The following SORCS2 variants were observed in gnomAD, a reference collection of about 807,000 sequenced individuals.
SORCS2 encodes the protein sortilin related VPS10 domain containing receptor 2.
In SORCS2, 100 loss-of-function variants were observed where a neutral mutation model predicts 141.6. The ratio of observed to expected loss-of-function variants is 0.71; its 90% CI spans 0.60 to 0.83. SORCS2 has a LOEUF of 0.83. Among genes scored for constraint, SORCS2 ranks in the 40% least tolerant of loss-of-function variants. SORCS2 has a pLI of 0.00. For synonymous variants in SORCS2, 789 were observed against 676.9 expected (o/e 1.17, Z -2.57); for missense variants, 1,646 against 1,560.2 (o/e 1.05, Z -0.93).
intron 1 of SORCS2, among the ~76,000 whole-genome samples, chr4:7,379,215 C>T (rs146302539): frequency 2.5e-4 from 38 of 152,210 alleles, no homozygotes; most frequent in African/African-American, 7.5e-4. Flanking sequence ...TTTCAGAAAT[C>T]GCACCTGTGC....
At chr4:7,250,066 A>G (rs1472774256) in intron 1 of SORCS2, among the ~76,000 whole-genome samples, 1 of 152,076 alleles carries the variant, frequency 6.6e-6, no homozygotes, top group Non-Finnish European at 1.5e-5. Context: ...ACATGGTGAA[A>G]CCCCATCTCT....
intron 1 of SORCS2, among the ~76,000 whole-genome samples, chr4:7,240,170 C>T (rs529569803): frequency 5.5e-4 from 84 of 152,258 alleles, no homozygotes; most frequent in African/African-American, 2.0e-3. Flanking sequence ...CTGTCGTGAT[C>T]CCCGAAGGAG....
chr4:7,202,071 G>T (rs1363032288), intron 1 of SORCS2, among the ~76,000 whole-genome samples: 1 of 150,546 alleles, frequency 6.6e-6, no homozygotes, highest in African/African-American at 2.5e-5. Flanking sequence ...GGTGGTGGGG[G>T]TGGGGAATGC....
chr4:7,239,428 C>T (rs1712532252), intron 1 of SORCS2, among the ~76,000 whole-genome samples: 1 of 152,262 alleles, frequency 6.6e-6, no homozygotes, highest in African/African-American at 2.4e-5. Flanking sequence ...TAACCACGCT[C>T]AGCGGCCCTC....
chr4:7,226,205 A>G (rs984023380), intron 1 of SORCS2, among the ~76,000 whole-genome samples: 1 of 152,092 alleles, frequency 6.6e-6, no homozygotes, highest in Admixed American at 6.5e-5. Flanking sequence ...CCAGGCATGC[A>G]TTACCTTTTC....
At chr4:7,567,932 T>C (rs1715135530) in intron 3 of SORCS2, among the ~76,000 whole-genome samples, 1 of 152,220 alleles carries the variant, frequency 6.6e-6, no homozygotes, top group East Asian at 1.9e-4. Flanking sequence ...TGGGAGCACT[T>C]TCAGTTGGCT....
intron 3 of SORCS2, among the ~76,000 whole-genome samples, chr4:7,539,847 C>A (rs2109578582): frequency 6.7e-6 from 1 of 150,116 alleles, no homozygotes; most frequent in African/African-American, 2.5e-5. Flanking sequence ...GGCTGCTCCG[C>A]CCCATTCCTG....
intron 1 of SORCS2, among the ~76,000 whole-genome samples, chr4:7,357,202 G>A (rs568198850): frequency 2.0e-5 from 3 of 152,284 alleles, no homozygotes; most frequent in East Asian, 1.9e-4. Context: ...TGTCTCTGAT[G>A]CCTGCCCCGG....
chr4:7,515,083 G>A (rs562046522), intron 2 of SORCS2, among the ~76,000 whole-genome samples: 7 of 152,306 alleles, frequency 4.6e-5, no homozygotes, highest in African/African-American at 1.7e-4. Flanking sequence ...GGAGGGATGG[G>A]CAGGAAGGGG....
chr4:7,369,263 A>G (rs2109040015), intron 1 of SORCS2, among the ~76,000 whole-genome samples: 1 of 152,320 alleles, frequency 6.6e-6, no homozygotes, highest in African/African-American at 2.4e-5. Context: ...GTGATCCAAG[A>G]TCACACTGCT....
chr4:7,618,114 G>T (rs113711337), intron 3 of SORCS2, among the ~76,000 whole-genome samples: 15 of 152,148 alleles, frequency 9.9e-5, no homozygotes, highest in African/African-American at 3.6e-4. Flanking sequence ...AGGCATCCCT[G>T]ATTCATCGCG....
In SORCS2 at chr4:7,193,287, C is replaced by T. The variant is rs1297460369; in HGVS notation, c.480+161C>T. On this transcript the variant is annotated intron_variant, in intron 1 of 26. Coordinates refer to ENST00000507866, the MANE Select transcript of SORCS2 (RefSeq NM_020777.3). This position sits in a 1 kb window ranked among gnomAD's most constrained non-coding sequence, Gnocchi z 4.8. ...GTCACCTCGGCCGCGCCCCTACTGG[C>T]CTCTGGTCACTGGTTACTTGGGGAG... is the stretch of plus-strand genomic sequence containing the variant. Among the ~76,000 whole-genome samples, 1 of 152,230 alleles carries T rather than the reference C, an allele frequency of 6.6e-6. No individual in the cohort carries two copies. The highest frequency in any genetic ancestry group is 1.5e-5 in the Non-Finnish European group (1 of 68,040).
At chr4:7,725,350 G>C in intron 20 of SORCS2, 63 bp downstream of exon 20, 2 of 1,557,486 alleles carry the variant, frequency 1.3e-6, no homozygotes, top group South Asian at 2.4e-5. Context: ...CTGCACAGTG[G>C]GGCAGAGCAT....
intron 2 of SORCS2, among the ~76,000 whole-genome samples, chr4:7,473,094 ATTTGTAATG>A (rs1240597195): frequency 1.4e-5 from 2 of 146,236 alleles, no homozygotes; most frequent in Non-Finnish European, 3.0e-5. Flanking sequence ...GATTATTAAT[ATTTGTAATG>A]TTAAAGCATC....
intron 2 of SORCS2, among the ~76,000 whole-genome samples, chr4:7,396,811 C>G (rs1479532003): frequency 2.0e-5 from 3 of 152,186 alleles, no homozygotes; most frequent in Non-Finnish European, 4.4e-5. Flanking sequence ...AAATAAGCCA[C>G]TGGCGATGGG....
chr4:7,291,808 G>A (rs564459006), intron 1 of SORCS2, among the ~76,000 whole-genome samples: 6 of 152,206 alleles, frequency 3.9e-5, no homozygotes, highest in Non-Finnish European at 5.9e-5. Flanking sequence ...CACGGAAGCC[G>A]ATATGCAAAG....
At chr4:7,452,895 T>C (rs4618313) in intron 2 of SORCS2, among the ~76,000 whole-genome samples, 43,107 of 133,814 alleles carry the variant, frequency 0.32, 7,177 homozygotes, top group East Asian at 0.61. Flanking sequence ...GGTCAGGCGC[T>C]GTGTTGGGGT....
At chr4:7,221,709 C>G (rs192847395) in intron 1 of SORCS2, among the ~76,000 whole-genome samples, 107 of 152,370 alleles carry the variant, frequency 7.0e-4, no homozygotes, top group Middle Eastern at 3.4e-3. Flanking sequence ...AAAGCCAACA[C>G]TCATCTTCCA....
chr4:7,489,998 TTG>T (rs1015774370), intron 2 of SORCS2, among the ~76,000 whole-genome samples: 16 of 152,210 alleles, frequency 1.1e-4, no homozygotes, highest in African/African-American at 3.4e-4. Flanking sequence ...GAGGCTGGTG[TTG>T]TATTTCAGGT....
Sources: gnomAD v4.1 joint callset for allele counts (sites outside exome capture counted in the v4.1 genomes callset) on GRCh38, gnomAD v4.1.1 for gene constraint, Gnocchi (gnomAD v3.1) non-coding constraint, MANE v1.5 for transcripts, NCBI Gene and HGNC (gene_info 2026-07-23, HGNC 2026-07-21) for gene names.